The following CD2AP variants were observed in gnomAD, a reference collection of about 807,000 sequenced individuals.
The protein encoded by CD2AP is CD2-associated protein.
CD2AP carries 46 observed loss-of-function variants against 85.1 expected under a neutral mutation model. That is an observed-to-expected ratio of 0.54 (90% CI 0.43 to 0.69). The LOEUF (loss-of-function observed/expected upper bound fraction) is 0.69. CD2AP is among the 30% of genes least tolerant of loss of function. CD2AP has a pLI of 0.00. For synonymous variants in CD2AP, 255 were observed against 252.9 expected (o/e 1.01, Z -0.08); for missense variants, 769 against 729.5 (o/e 1.05, Z -0.62).
chr6:47,567,409 C>T (rs1389395480), intron 5 of CD2AP, among the ~76,000 whole-genome samples: 2 of 151,950 alleles, frequency 1.3e-5, no homozygotes, highest in Non-Finnish European at 2.9e-5. Context: ...ATATTGAGTG[C>T]CTTTTGTTAA....
intron 13 of CD2AP, among the ~76,000 whole-genome samples, chr6:47,599,975 G>GT (rs146768764): frequency 9.5e-4 from 139 of 146,672 alleles, no homozygotes; most frequent in African/African-American, 2.2e-3. Flanking sequence ...TGTACTTCCT[G>GT]TTTTTTTTTT....
At chr6:47,573,018 C>A (rs1768197498) in intron 5 of CD2AP, among the ~76,000 whole-genome samples, 1 of 152,084 alleles carries the variant, frequency 6.6e-6, no homozygotes, top group African/African-American at 2.4e-5. Flanking sequence ...TACTCTAGAA[C>A]TTTGTTTCTT....
At chr6:47,609,663 C>G in intron 16 of CD2AP, 1 of 181,068 alleles carries the variant, frequency 5.5e-6, no homozygotes. Flanking sequence ...CATGCCAGTG[C>G]GCTCCAGCCT....
At chr6:47,586,028 G>T (rs528947647) in intron 11 of CD2AP, among the ~76,000 whole-genome samples, 1 of 152,126 alleles carries the variant, frequency 6.6e-6, no homozygotes, top group African/African-American at 2.4e-5. Context: ...ATTAAAGATT[G>T]CCAGGCATAG....
chr6:47,515,399 G>A (rs1766427256), intron 2 of CD2AP, among the ~76,000 whole-genome samples: 1 of 152,150 alleles, frequency 6.6e-6, no homozygotes, highest in African/African-American at 2.4e-5. Flanking sequence ...AAATGAAGGG[G>A]ATAGATAATA....
At chr6:47,518,823 G>A (rs758904597) in intron 2 of CD2AP, among the ~76,000 whole-genome samples, 12 of 152,144 alleles carry the variant, frequency 7.9e-5, no homozygotes, top group African/African-American at 1.2e-4. Context: ...GTTGTGACAG[G>A]CTTTTCAGTT....
At chr6:47,596,153 GACATAT>G in intron 12 of CD2AP, 127 bp downstream of exon 12, 1 of 718,956 alleles carries the variant, frequency 1.4e-6, no homozygotes, top group East Asian at 2.7e-5. Flanking sequence ...TTTTAAAATT[GACATAT>G]ACAATTGTGT....
intron 11 of CD2AP, among the ~76,000 whole-genome samples, chr6:47,593,857 G>T (rs1768865133): frequency 6.6e-6 from 1 of 152,084 alleles, no homozygotes; most frequent in East Asian, 1.9e-4. Flanking sequence ...ATTCATAGCA[G>T]CACTATTTAC....
intron 7 of CD2AP, 104 bp downstream of exon 7, chr6:47,576,706 CA>C: frequency 2.3e-6 from 2 of 882,988 alleles, no homozygotes; most frequent in Non-Finnish European, 3.7e-6. Context: ...ATTAGAATAG[CA>C]AATTCTATTA....
chr6:47,480,554 G>A (rs1230584854), intron 1 of CD2AP, among the ~76,000 whole-genome samples: 2 of 152,212 alleles, frequency 1.3e-5, no homozygotes, highest in African/African-American at 4.8e-5. Flanking sequence ...CTGTGTGACT[G>A]AGCACATTAC....
chr6:47,500,639 C>T (rs1295156430), intron 1 of CD2AP, among the ~76,000 whole-genome samples: 4 of 152,100 alleles, frequency 2.6e-5, no homozygotes, highest in East Asian at 3.8e-4. Flanking sequence ...TTCTCCTCCA[C>T]GTTAATTAAG....
intron 9 of CD2AP, chr6:47,579,735 T>G (rs759217794): frequency 2.4e-5 from 10 of 415,416 alleles, no homozygotes; most frequent in Non-Finnish European, 4.3e-5. Context: ...ATTTTATAAT[T>G]TAAGAAGGGC....
At chr6:47,543,081 G>A (rs1767262987) in intron 3 of CD2AP, among the ~76,000 whole-genome samples, 2 of 149,344 alleles carry the variant, frequency 1.3e-5, no homozygotes, top group Admixed American at 1.3e-4. Flanking sequence ...AACTCGGGAG[G>A]TGGAGGTTGC....
chr6:47,572,511 C>A (rs540263563), intron 5 of CD2AP, among the ~76,000 whole-genome samples: 2 of 152,166 alleles, frequency 1.3e-5, no homozygotes, highest in African/African-American at 2.4e-5. Flanking sequence ...GATCACTATA[C>A]TTGTTAGCAT....
chr6:47,540,322 T>C (rs1202394264), intron 3 of CD2AP, among the ~76,000 whole-genome samples: 1 of 152,122 alleles, frequency 6.6e-6, no homozygotes, highest in Non-Finnish European at 1.5e-5. Flanking sequence ...AATTAACATT[T>C]ATTGACTTTG....
At chr6:47,501,968 G>A (rs1391143747) in intron 1 of CD2AP, among the ~76,000 whole-genome samples, 1 of 152,130 alleles carries the variant, frequency 6.6e-6, no homozygotes, top group Non-Finnish European at 1.5e-5. Flanking sequence ...TAGTTTCTGT[G>A]GTTTAAGAGT....
Position 47,543,448 on chromosome 6 carries a change from A to G in CD2AP, c.320-1158A>G, listed in dbSNP as rs115845543. On this transcript the variant is annotated intron_variant, in intron 3 of 17. Transcript: ENST00000359314. ...AAATTCAGTCTGCTAGGGCTACCAT[A>G]ACAAAATACCACAGACTTAGTAGCT... 7.9e-3 allele frequency among the ~76,000 whole-genome samples: 1,200 copies of G among 152,292 alleles called. 14 individuals carry two copies. Among genetic ancestry groups the G allele is most frequent in the African/African-American group, 0.027 (1,120 of 41,570 alleles).
At chr6:47,532,745 T>C in intron 2 of CD2AP, among the ~76,000 whole-genome samples, 1 of 152,256 alleles carries the variant, frequency 6.6e-6, no homozygotes, top group Non-Finnish European at 1.5e-5. Context: ...TTTTGTTCTG[T>C]ATAAATTTAG....
At chr6:47,515,098 G>T (rs1562011455) in intron 2 of CD2AP, among the ~76,000 whole-genome samples, 1 of 151,682 alleles carries the variant, frequency 6.6e-6, no homozygotes, top group Non-Finnish European at 1.5e-5. Flanking sequence ...AAGGTAGAAA[G>T]TTATAGGAGT....
Sources: gnomAD v4.1 joint callset for allele counts (sites outside exome capture counted in the v4.1 genomes callset) on GRCh38, gnomAD v4.1.1 for gene constraint, MANE v1.5 for transcripts, NCBI Gene and HGNC (gene_info 2026-07-23, HGNC 2026-07-21) for gene names.